OSBP2: variants seen among roughly 807,000 people sequenced by gnomAD.
OSBP2 encodes oxysterol-binding protein 2.
OSBP2 carries 66 observed loss-of-function variants against 96.0 expected under a neutral mutation model. The observed-to-expected ratio is 0.69, with a 90% confidence interval of 0.56 to 0.84. OSBP2 has a LOEUF of 0.84. Ranked by LOEUF, OSBP2 falls within the 40% of genes least tolerant of loss-of-function variation. The probability of loss-of-function intolerance (pLI) is 0.00; values close to 1 mark genes in which losing one functional copy is unlikely to be tolerated. For synonymous variants in OSBP2, 525 were observed against 520.9 expected (o/e 1.01, Z -0.11); for missense variants, 1,038 against 1,222.7 (o/e 0.85, Z 2.25).
chr22:30,804,136 T>C (rs1260341984), intron 2 of OSBP2, among the ~76,000 whole-genome samples: 3 of 152,120 alleles, frequency 2.0e-5, no homozygotes, highest in African/African-American at 7.2e-5. Flanking sequence ...CTCCTAGAAC[T>C]GGATGGGTGG....
chr22:30,852,257 G>C (rs2038991401), intron 2 of OSBP2, among the ~76,000 whole-genome samples: 1 of 152,016 alleles, frequency 6.6e-6, no homozygotes, highest in African/African-American at 2.4e-5. Flanking sequence ...TTAAACATTT[G>C]GTAGAATTTG....
At chr22:30,904,087 C>A (rs903893216) in intron 12 of OSBP2, among the ~76,000 whole-genome samples, 1 of 152,178 alleles carries the variant, frequency 6.6e-6, no homozygotes, top group Admixed American at 6.5e-5. Context: ...CCTTCAGTAC[C>A]CAAATCCCAG....
chr22:30,801,326 T>G (rs2090848394), intron 2 of OSBP2, among the ~76,000 whole-genome samples: 1 of 152,078 alleles, frequency 6.6e-6, no homozygotes, highest in African/African-American at 2.4e-5. Flanking sequence ...GAGGTAGTGG[T>G]TTTGTTTATT....
chr22:30,821,949 G>T (rs1002412123), intron 2 of OSBP2, among the ~76,000 whole-genome samples: 3 of 152,242 alleles, frequency 2.0e-5, no homozygotes, highest in Admixed American at 2.0e-4. Flanking sequence ...GTGGAGTTGT[G>T]TTCAAAGGCC....
At chr22:30,887,992 C>G (rs8140448) in intron 4 of OSBP2, among the ~76,000 whole-genome samples, 192 of 152,040 alleles carry the variant, frequency 1.3e-3, no homozygotes, top group Non-Finnish European at 2.1e-3. Context: ...GTTGAGAGAT[C>G]GGGGGGGCTT....
intron 2 of OSBP2, among the ~76,000 whole-genome samples, chr22:30,783,041 C>T (rs1569121645): frequency 1.4e-5 from 2 of 144,100 alleles, no homozygotes; most frequent in Non-Finnish European, 3.0e-5. Context: ...GTCCTTTCTG[C>T]TTCAAAGAGT....
At chr22:30,782,794 C>T (rs756183839) in intron 2 of OSBP2, among the ~76,000 whole-genome samples, 6 of 152,164 alleles carry the variant, frequency 3.9e-5, no homozygotes, top group Admixed American at 1.3e-4. Flanking sequence ...AATAGAATGG[C>T]TGACTCAGGG....
chr22:30,838,303 C>T (rs9621111), intron 2 of OSBP2, among the ~76,000 whole-genome samples: 2 of 152,096 alleles, frequency 1.3e-5, no homozygotes, highest in Non-Finnish European at 2.9e-5. Flanking sequence ...TGTTTGGAGT[C>T]CCTGGGGATG....
At chr22:30,865,088 C>T (rs2039304925) in intron 2 of OSBP2, among the ~76,000 whole-genome samples, 1 of 152,178 alleles carries the variant, frequency 6.6e-6, no homozygotes, top group African/African-American at 2.4e-5. Context: ...GAAAAAAGCT[C>T]CACTTCTAAA....
intron 2 of OSBP2, among the ~76,000 whole-genome samples, chr22:30,768,448 G>A (rs906825373): frequency 6.6e-6 from 1 of 152,038 alleles, no homozygotes. Flanking sequence ...AGGCCGAGGC[G>A]GGCAGATCAC....
chr22:30,747,428 C>A (rs2090017493), intron 2 of OSBP2, among the ~76,000 whole-genome samples: 1 of 152,136 alleles, frequency 6.6e-6, no homozygotes, highest in East Asian at 1.9e-4. Flanking sequence ...TTGCACTGAA[C>A]CATGTTCATG....
chr22:30,795,518 A>ATTTTTTTT (rs136288), intron 2 of OSBP2, among the ~76,000 whole-genome samples: 3 of 122,300 alleles, frequency 2.5e-5, no homozygotes, highest in African/African-American at 9.4e-5. Context: ...TATCCAATGC[A>ATTTTTTTT]TTTTTTTTTT....
At position 30,890,059 on chromosome 22, in the gene OSBP2, C is replaced by T. The variant is rs985324906; in HGVS notation, c.1623+423C>T. 3.3e-5 allele frequency among the ~76,000 whole-genome samples: 5 copies of T among 152,176 alleles called. No individual in the cohort carries two copies. Among genetic ancestry groups the T allele is most frequent in the African/African-American group, 1.2e-4 (5 of 41,426 alleles). On this transcript the variant is annotated intron_variant, in intron 7 of 13. Coordinates refer to ENST00000332585, the MANE Select transcript of OSBP2 (RefSeq NM_030758.4). This position sits in a 1 kb window ranked among gnomAD's most constrained non-coding sequence, Gnocchi z 4.4. ...CAGGCTCAGAGCTTGGATCCTCATG[C>T]CACCTGGCTACAGTGGCATCTCCAC... is the stretch of plus-strand genomic sequence containing the variant.
chr22:30,748,171 C>T (rs2090030147), intron 2 of OSBP2, among the ~76,000 whole-genome samples: 1 of 150,096 alleles, frequency 6.7e-6, no homozygotes, highest in Admixed American at 6.7e-5. Flanking sequence ...GCCACCACAC[C>T]CAGCCTATTT....
intron 12 of OSBP2, among the ~76,000 whole-genome samples, chr22:30,898,408 A>G (rs1358683509): frequency 6.6e-6 from 1 of 152,174 alleles, no homozygotes; most frequent in Non-Finnish European, 1.5e-5. Context: ...AATCTCCTGT[A>G]TTCCATTTTC....
At chr22:30,819,104 G>A (rs1415681832) in intron 2 of OSBP2, among the ~76,000 whole-genome samples, 1 of 152,206 alleles carries the variant, frequency 6.6e-6, no homozygotes, top group Non-Finnish European at 1.5e-5. Flanking sequence ...AGAGGCCAAG[G>A]TGGGTGGATC....
chr22:30,786,846 T>A (rs2090596859), intron 2 of OSBP2, among the ~76,000 whole-genome samples: 1 of 152,150 alleles, frequency 6.6e-6, no homozygotes, highest in African/African-American at 2.4e-5. Flanking sequence ...TTGCCCAGGC[T>A]GGAGTGCAAT....
intron 2 of OSBP2, among the ~76,000 whole-genome samples, chr22:30,790,168 G>T (rs560726005): frequency 1.3e-5 from 2 of 152,164 alleles, no homozygotes; most frequent in Admixed American, 1.3e-4. Context: ...TGTGGATGAC[G>T]CACAGGGCTT....
At chr22:30,839,851 A>G (rs2038711708) in intron 2 of OSBP2, among the ~76,000 whole-genome samples, 1 of 151,684 alleles carries the variant, frequency 6.6e-6, no homozygotes, top group Non-Finnish European at 1.5e-5. Flanking sequence ...GTTTAATTAG[A>G]TCCCATTTGT....
Sources: allele counts gnomAD v4.1 joint callset (sites outside exome capture counted in the v4.1 genomes callset), GRCh38; gene constraint gnomAD v4.1.1; non-coding constraint Gnocchi (gnomAD v3.1); transcripts MANE v1.5; gene names NCBI Gene and HGNC (gene_info 2026-07-23, HGNC 2026-07-21).